The following ZC3H12B variants were observed in gnomAD, a reference collection of about 807,000 sequenced individuals.
ZC3H12B encodes probable ribonuclease ZC3H12B.
In ZC3H12B, 7 loss-of-function variants were observed where a neutral mutation model predicts 43.9. The observed-to-expected ratio is 0.16, with a 90% confidence interval of 0.09 to 0.30. The LOEUF is 0.30. Ranked by LOEUF, ZC3H12B falls within the 10% of genes least tolerant of loss-of-function variation. The probability of loss-of-function intolerance (pLI) is 1.00; values close to 1 mark genes in which losing one functional copy is unlikely to be tolerated. For missense variants in ZC3H12B, 475 were observed against 670.2 expected (o/e 0.71, Z 3.22); for synonymous variants, 222 against 241.7 (o/e 0.92, Z 0.76).
chrX:65,443,696 G>A (rs1359881001), intron 3 of ZC3H12B, among the ~76,000 whole-genome samples: 4 of 112,367 alleles, frequency 3.6e-5, no homozygotes, highest in Admixed American at 2.8e-4. Context: ...GCCTGGGCGG[G>A]CCAGGTGTTC....
the ZC3H12B span, among the ~76,000 whole-genome samples, chrX:65,316,992 C>A: frequency 9.0e-6 from 1 of 110,863 alleles, no homozygotes; most frequent in East Asian, 2.8e-4. Flanking sequence ...GCAGGGGTTG[C>A]TATTCTAAGT....
the ZC3H12B span, among the ~76,000 whole-genome samples, chrX:65,091,732 TAGC>T: frequency 1.8e-5 from 2 of 112,050 alleles, no homozygotes; most frequent in African/African-American, 3.2e-5. Flanking sequence ...AAAAACATCT[TAGC>T]AGTGTTCAAA....
At chrX:65,150,033 TTTC>T in the ZC3H12B span, among the ~76,000 whole-genome samples, 1 of 110,350 alleles carries the variant, frequency 9.1e-6, no homozygotes, top group African/African-American at 3.3e-5. Flanking sequence ...GAGCATATTC[TTTC>T]TTCATTTGAA....
the ZC3H12B span, among the ~76,000 whole-genome samples, chrX:65,158,252 T>G: frequency 9.0e-6 from 1 of 110,930 alleles, no homozygotes; most frequent in Non-Finnish European, 1.9e-5. Context: ...TGTGTCTTTA[T>G]AGCAGCATGA....
At chrX:65,459,987 G>A (rs1481854259) in intron 3 of ZC3H12B, among the ~76,000 whole-genome samples, 1 of 112,035 alleles carries the variant, frequency 8.9e-6, no homozygotes, top group African/African-American at 3.2e-5. Context: ...ATCTCCTTAA[G>A]CTGATAAGCA....
the ZC3H12B span, among the ~76,000 whole-genome samples, chrX:65,054,377 A>G: frequency 9.0e-6 from 1 of 111,318 alleles, no homozygotes; most frequent in Non-Finnish European, 1.9e-5. Flanking sequence ...TCCTTTCCCC[A>G]TTTCTTGTTT....
At chrX:65,150,808 G>C in the ZC3H12B span, among the ~76,000 whole-genome samples, 1 of 110,818 alleles carries the variant, frequency 9.0e-6, no homozygotes, top group Non-Finnish European at 1.9e-5. Context: ...TTGCTTGCTT[G>C]CTTTTACTAA....
the ZC3H12B span, among the ~76,000 whole-genome samples, chrX:65,214,773 G>A: frequency 1.8e-5 from 2 of 111,390 alleles, no homozygotes; most frequent in African/African-American, 6.5e-5. Context: ...TTTTCCAGAG[G>A]GTTTCAGTTT....
At chrX:65,121,053 A>C in the ZC3H12B span, among the ~76,000 whole-genome samples, 5 of 111,223 alleles carry the variant, frequency 4.5e-5, no homozygotes, top group Non-Finnish European at 9.4e-5. Context: ...TCTTTTTGCC[A>C]GTATTTTATT....
chrX:65,190,373 G>A, the ZC3H12B span, among the ~76,000 whole-genome samples: 36 of 110,955 alleles, frequency 3.2e-4, no homozygotes, highest in African/African-American at 1.1e-3. Context: ...CATTGAATCT[G>A]TAAATTACCT....
At chrX:65,455,926 C>T (rs1377230457) in intron 3 of ZC3H12B, among the ~76,000 whole-genome samples, 4 of 111,625 alleles carry the variant, frequency 3.6e-5, no homozygotes, top group Non-Finnish European at 7.5e-5. Context: ...CAAGCAAATG[C>T]TGAGAGATTT....
chrX:65,147,172 G>A, the ZC3H12B span, among the ~76,000 whole-genome samples: 1 of 112,135 alleles, frequency 8.9e-6, no homozygotes, highest in Admixed American at 9.5e-5. Context: ...TGAAGAAGTG[G>A]CGTCTTATTC....
the ZC3H12B span, among the ~76,000 whole-genome samples, chrX:65,044,412 A>G: frequency 9.0e-6 from 1 of 111,261 alleles, no homozygotes; most frequent in Non-Finnish European, 1.9e-5. Context: ...AGGCCAAAAC[A>G]TATAGACTTT....
chrX:65,315,233 AAGT>A, the ZC3H12B span, among the ~76,000 whole-genome samples: 114 of 111,778 alleles, frequency 1.0e-3, no homozygotes, highest in Non-Finnish European at 1.4e-3. Flanking sequence ...GATTGATTAA[AAGT>A]AGAAGTATGA....
chrX:65,390,814 A>G (rs2066605376), intron 2 of ZC3H12B, among the ~76,000 whole-genome samples: 1 of 112,201 alleles, frequency 8.9e-6, no homozygotes, highest in Non-Finnish European at 1.9e-5. Flanking sequence ...AGGATAGACC[A>G]TATGTTAGGT....
chrX:65,255,158 A>C, the ZC3H12B span, among the ~76,000 whole-genome samples: 4 of 111,991 alleles, frequency 3.6e-5, no homozygotes, highest in Admixed American at 9.4e-5. Context: ...TCATCTAATA[A>C]AATTTTCCCA....
the ZC3H12B span, among the ~76,000 whole-genome samples, chrX:65,181,023 C>A: frequency 9.0e-6 from 1 of 111,218 alleles, no homozygotes; most frequent in African/African-American, 3.3e-5. Context: ...CTACAGTAAC[C>A]AAAACAGCAT....
chrX:65,491,313 C>A (rs1489950138), intron 1 of ZC3H12B, among the ~76,000 whole-genome samples: 8 of 111,574 alleles, frequency 7.2e-5, no homozygotes, highest in Non-Finnish European at 1.3e-4. Context: ...GAATAACTAC[C>A]CAAGGTTACC....
At chrX:65,457,536 T>G (rs1403335229) in intron 3 of ZC3H12B, among the ~76,000 whole-genome samples, 1 of 88,551 alleles carries the variant, frequency 1.1e-5, no homozygotes, top group Admixed American at 1.1e-4. Context: ...GGAGCCCCTC[T>G]GCCCGGCCAC....
Sources: gnomAD v4.1 joint callset for allele counts (sites outside exome capture counted in the v4.1 genomes callset) on GRCh38, gnomAD v4.1.1 for gene constraint, MANE v1.5 for transcripts, NCBI Gene and HGNC (gene_info 2026-07-23, HGNC 2026-07-21) for gene names.